CACNA1A: variants seen among roughly 807,000 people sequenced by gnomAD.
CACNA1A encodes the protein calcium voltage-gated channel subunit alpha1 A.
Under a neutral mutation model 262.4 loss-of-function variants are expected in CACNA1A, and 57 were observed. The ratio of observed to expected loss-of-function variants is 0.22; its 90% CI spans 0.18 to 0.27. CACNA1A has a LOEUF of 0.27. CACNA1A is among the 10% of genes least tolerant of loss of function. The probability of loss-of-function intolerance (pLI) is 1.00; values close to 1 mark genes in which losing one functional copy is unlikely to be tolerated. For missense variants in CACNA1A, 2,526 were observed against 3,562.8 expected (o/e 0.71, Z 7.41); for synonymous variants, 1,431 against 1,419.3 (o/e 1.01, Z -0.18).
At chr19:13,423,844 A>C (rs2060356271) in intron 3 of CACNA1A, among the ~76,000 whole-genome samples, 1 of 152,056 alleles carries the variant, frequency 6.6e-6, no homozygotes, top group Admixed American at 6.6e-5. Context: ...GTCCGCCTGA[A>C]GTTGTGCAGC....
intron 31 of CACNA1A, chr19:13,244,339 C>T (rs991723122): frequency 1.3e-5 from 2 of 152,286 alleles, no homozygotes; most frequent in Admixed American, 6.5e-5. Flanking sequence ...AGCCAATCCA[C>T]GTAAACCACT....
Position 13,464,818 on chromosome 19 carries a change from G to A in CACNA1A, c.294-9606C>T, listed in dbSNP as rs548878541. Among the ~76,000 whole-genome samples the A allele has an allele frequency of 7.2e-5, 11 of 152,264 alleles. No homozygotes were observed. In the South Asian group the frequency reaches 1.9e-3, roughly 26 times the overall value. ...CCACCTTGGCCTCCCAAAGTGCTGG[G>A]ATTACAGGCGTGAGCCACTGCGCCC... is the stretch of plus-strand genomic sequence containing the variant. On this transcript the variant is annotated intron_variant, in intron 1 of 46. Coordinates refer to ENST00000360228, the MANE Select transcript of CACNA1A (RefSeq NM_001127222.2).
intron 1 of CACNA1A, among the ~76,000 whole-genome samples, chr19:13,466,886 T>TTATTTA (rs1318886282): frequency 6.7e-6 from 1 of 149,598 alleles, no homozygotes; most frequent in African/African-American, 2.5e-5. Flanking sequence ...CATTATTTAT[T>TTATTTA]TATTTATTTA....
chr19:13,294,443 C>A (rs2057616904), intron 19 of CACNA1A, among the ~76,000 whole-genome samples: 2 of 149,810 alleles, frequency 1.3e-5, no homozygotes, highest in South Asian at 4.2e-4. Flanking sequence ...TTTGCCTCAG[C>A]CTCCTGAGTA....
At chr19:13,335,709 G>T in intron 7 of CACNA1A, 97 bp downstream of exon 7, 1 of 818,610 alleles carries the variant, frequency 1.2e-6, no homozygotes, top group Non-Finnish European at 2.1e-6. Flanking sequence ...CCTTTTCTCT[G>T]TCTAGTGAAT....
At chr19:13,477,495 T>C (rs973201774) in intron 1 of CACNA1A, among the ~76,000 whole-genome samples, 2 of 152,160 alleles carry the variant, frequency 1.3e-5, no homozygotes, top group Admixed American at 1.3e-4. Context: ...CAAGGACTGT[T>C]TTGCCCATTT....
At chr19:13,325,026 T>G (rs781485083) in intron 10 of CACNA1A, among the ~76,000 whole-genome samples, 7 of 150,046 alleles carry the variant, frequency 4.7e-5, no homozygotes, top group African/African-American at 1.2e-4. Flanking sequence ...CTTCTTCGTC[T>G]TCTTCTTCCT....
At chr19:13,321,783 G>T (rs1340226303) in intron 10 of CACNA1A, among the ~76,000 whole-genome samples, 5 of 152,134 alleles carry the variant, frequency 3.3e-5, no homozygotes, top group Admixed American at 3.3e-4. Flanking sequence ...GTTGCTCTTG[G>T]TGAGGGAGTG....
chr19:13,258,420 A>G (rs1175837216), intron 27 of CACNA1A: 1 of 152,204 alleles, frequency 6.6e-6, no homozygotes, highest in East Asian at 1.9e-4. Context: ...TCTGTGTCTA[A>G]GCGATACCTT....
At chr19:13,208,390 C>T (rs913828169) in intron 46 of CACNA1A, among the ~76,000 whole-genome samples, 2 of 152,072 alleles carry the variant, frequency 1.3e-5, no homozygotes, top group East Asian at 1.9e-4. Context: ...TACTCACAGG[C>T]GTCCAGAGGA....
intron 3 of CACNA1A, among the ~76,000 whole-genome samples, chr19:13,418,073 G>T (rs973952433): frequency 6.6e-6 from 1 of 152,076 alleles, no homozygotes; most frequent in African/African-American, 2.4e-5. Context: ...TGTCAAAACT[G>T]TGCAAAACCA....
chr19:13,348,960 A>G (rs1163773503), intron 6 of CACNA1A, among the ~76,000 whole-genome samples: 1 of 139,832 alleles, frequency 7.2e-6, no homozygotes, highest in Non-Finnish European at 1.5e-5. Context: ...GTGAGCCGAG[A>G]TTGCGCCACT....
intron 6 of CACNA1A, among the ~76,000 whole-genome samples, chr19:13,357,251 T>C (rs1420247832): frequency 6.6e-6 from 1 of 152,132 alleles, no homozygotes; most frequent in Non-Finnish European, 1.5e-5. Flanking sequence ...CCGACCTTAG[T>C]GATGACCTTG....
chr19:13,402,729 T>C (rs1395388743), intron 3 of CACNA1A, among the ~76,000 whole-genome samples: 2 of 145,632 alleles, frequency 1.4e-5, no homozygotes, highest in East Asian at 2.0e-4. Context: ...CATATATATA[T>C]ATACATATAT....
At chr19:13,406,468 TATATATATATATA>T (rs2060007419) in intron 3 of CACNA1A, among the ~76,000 whole-genome samples, 3 of 13,792 alleles carry the variant, frequency 2.2e-4, no homozygotes, top group South Asian at 2.2e-3. Flanking sequence ...AAAAAAATTA[TATATATATATATA>T]TATATATATA....
chr19:13,312,912 C>T, intron 11 of CACNA1A, 131 bp from the exon 12 acceptor site: 2 of 521,786 alleles, frequency 3.8e-6, no homozygotes, highest in South Asian at 6.1e-5. Flanking sequence ...TCTTGCTATG[C>T]TGTTAGGCTG....
intron 3 of CACNA1A, chr19:13,451,445 G>C (rs2060913253): frequency 6.6e-6 from 1 of 152,316 alleles, no homozygotes; most frequent in Non-Finnish European, 1.5e-5. Context: ...AGAGTAGAGA[G>C]TGGGAAGAGG....
intron 19 of CACNA1A, among the ~76,000 whole-genome samples, chr19:13,287,803 C>CTT (rs34542703): frequency 1.9e-3 from 255 of 133,458 alleles, no homozygotes; most frequent in South Asian, 9.1e-3. Flanking sequence ...CACCTGGCCT[C>CTT]TTTTTTTTTT....
At chr19:13,297,850 A>G (rs1204959161) in intron 19 of CACNA1A, among the ~76,000 whole-genome samples, 2 of 151,166 alleles carry the variant, frequency 1.3e-5, no homozygotes, top group African/African-American at 4.9e-5. Flanking sequence ...TTTTTGAGAC[A>G]GAGTCTTGCT....
Sources: allele counts gnomAD v4.1 joint callset (sites outside exome capture counted in the v4.1 genomes callset), GRCh38; gene constraint gnomAD v4.1.1; transcripts MANE v1.5; gene names NCBI Gene and HGNC (gene_info 2026-07-23, HGNC 2026-07-21).